The following MCL1 variants were observed in gnomAD, a reference collection of about 807,000 sequenced individuals.
The protein encoded by MCL1 is MCL1 apoptosis regulator, BCL2 family member, also known as induced myeloid leukemia cell differentiation protein Mcl-1.
A neutral mutation model predicts 24.2 loss-of-function variants in MCL1; 4 were observed. That is an observed-to-expected ratio of 0.17 (90% CI 0.08 to 0.38). The LOEUF (loss-of-function observed/expected upper bound fraction) is 0.38, where lower values mean the gene tolerates loss of function less well. Ranked by LOEUF, MCL1 falls within the 10% of genes least tolerant of loss-of-function variation. MCL1 has a pLI of 1.00. For missense variants in MCL1, 529 were observed against 480.3 expected (o/e 1.10, Z -0.95); for synonymous variants, 248 against 214.0 (o/e 1.16, Z -1.39).
chr1:150,578,182 TA>T (rs587650071), intron 2 of MCL1, 61 bp downstream of exon 2: 18 of 1,560,294 alleles, frequency 1.2e-5, no homozygotes, highest in African/African-American at 9.7e-5. Flanking sequence ...CCCACCTCTC[TA>T]AAAAAAATCC....
rs1647766062 is a variant in MCL1 at position 150,575,635 on chromosome 1, G to A, written c.*1740C>T. The A allele has an allele frequency of 4.3e-6, 1 of 233,026 alleles. No homozygotes were observed. The highest frequency in any genetic ancestry group is 2.2e-5 in the African/African-American group (1 of 45,334). The allele number at this position is 233,026 out of a possible 1,614,324, so 14.4% of individuals were successfully genotyped here. A position where few individuals can be genotyped will look rare whatever the true frequency, so the allele number is the denominator to read the frequency against. ...TCCTCCCACCTCTCAATGACTGTTA[G>A]TGTCACAGCACCCATGGTATTACCA... On this transcript the variant is annotated 3_prime_UTR_variant, in exon 3 of 3. Transcript: ENST00000369026.
rs587602461 is a variant in MCL1, at chr1:150,575,102, A to G, written c.*2273T>C. On this transcript the variant is annotated 3_prime_UTR_variant, in exon 3 of 3. Transcript: ENST00000369026. ...CTGGATTTGGCAGACAGGCTTTTTT[A>G]GTTACCGTAACCAGATCTTAAGATT... 8 of 233,436 alleles carry G rather than the reference A, an allele frequency of 3.4e-5. No individual in the cohort carries two copies. Among genetic ancestry groups the G allele is most frequent in the South Asian group, 3.6e-4 (2 of 5,528 alleles). The allele number at this position is 233,436 out of a possible 1,614,324, so 14.5% of individuals were successfully genotyped here.
rs1570983540 is a variant in MCL1, at chr1:150,579,229, G to A, written c.302C>T (p.Pro101Leu). 6.4e-7 allele frequency: 1 copy of A among 1,561,176 alleles called. No homozygotes were observed. Among genetic ancestry groups the A allele is most frequent in the African/African-American group, 1.4e-5 (1 of 73,060 alleles). The stretch of plus-strand genomic sequence containing the variant: ...CTCAAGCGGCGCCGCGCGGCGGGTG[G>A]GCGCGAAGAAAAGCAGCCTCGCGGG... The part of the protein sequence containing the change: ...ATPARLLFFA[P>L]TRRAAPLEEM... The change falls in exon 1 of 3, where the codon CCC becomes CTC. Residue 101 changes from proline (P) to leucine (L), a missense_variant. Coordinates refer to ENST00000369026, the MANE Select transcript of MCL1 (RefSeq NM_021960.5).
rs1207295145 is a variant in MCL1, at chr1:150,579,333, C to CGGG, written c.195_197dup (p.Pro66dup). 6.8e-7 allele frequency: 1 copy of CGGG among 1,472,136 alleles called. No homozygotes were observed. The highest frequency in any genetic ancestry group is 1.5e-5 in the African/African-American group (1 of 67,686). 91.2% of individuals were successfully genotyped at this position (1,472,136 alleles called of 1,614,324 possible). ...TCCGGGAGTCTGGCGTGAGGGTGGACGGGGGGCTTGCGCCGGCGCTTCCGC... is the reference window on the plus strand; with the variant it reads ...TCCGGGAGTCTGGCGTGAGGGTGGACGGGGGGGGGCTTGCGCCGGCGCTTCCGC... On this transcript the variant is annotated inframe_insertion, in exon 1 of 3. Coordinates refer to ENST00000369026, the MANE Select transcript of MCL1 (RefSeq NM_021960.5).
rs1647825230 is a variant in MCL1 at position 150,576,780 on chromosome 1, C to G, written c.*595G>C. ...TCCGTCAAGTATTATTGGTGATAAA[C>G]TAGGCTAATAAAGTAAGAATCATGG... On this transcript the variant is annotated 3_prime_UTR_variant, in exon 3 of 3. Coordinates refer to ENST00000369026, the MANE Select transcript of MCL1 (RefSeq NM_021960.5). 4.3e-6 allele frequency: 1 copy of G among 232,520 alleles called. No individual in the cohort carries two copies. The highest frequency in any genetic ancestry group is 8.5e-6 in the Non-Finnish European group (1 of 117,588). The allele number at this position is 232,520 out of a possible 1,614,324, so 14.4% of individuals were successfully genotyped here. A position where few individuals can be genotyped will look rare whatever the true frequency, so the allele number is the denominator to read the frequency against.
chr1:150,579,477 C>A lies in MCL1; in HGVS notation c.54G>T (p.Gly18=), dbSNP rs781685038. ...CGCCGCTGCCGGCCCCCAAGCCGGCCCCCCCACAGTAGAGGTTGAGTCCGA... is the reference window on the plus strand; with the variant it reads ...CGCCGCTGCCGGCCCCCAAGCCGGCACCCCCACAGTAGAGGTTGAGTCCGA... The part of the protein sequence containing the change: ...AVIGLNLYCG[G]AGLGAGSGGA... The change falls in exon 1 of 3, where the codon GGG becomes GGT. Residue 18 remains glycine, a synonymous_variant. Transcript: ENST00000369026. The A allele has an allele frequency of 1.9e-6, 3 of 1,594,056 alleles. No individual in the cohort carries two copies. The South Asian group carries it at 3.3e-5, about 18-fold the overall frequency.
Position 150,577,508 on chromosome 1 carries a change from A to G in MCL1, c.937-17T>C, listed in dbSNP as rs998383185. The G allele has an allele frequency of 6.3e-7, 1 of 1,589,870 alleles. No homozygotes were observed. The highest frequency in any genetic ancestry group is 8.5e-7 in the Non-Finnish European group (1 of 1,173,036). ...AAACCCATCCTAGAAAACAAAAAAG[A>G]AAAGCACATTTTCAAGTATGGGTTT... On this transcript the variant is annotated splice_polypyrimidine_tract_variant and intron_variant, in intron 2 of 2. Coordinates refer to ENST00000369026, the MANE Select transcript of MCL1 (RefSeq NM_021960.5).
intron 2 of MCL1, 50 bp downstream of exon 2, chr1:150,578,190 ATCCT>A: frequency 1.3e-6 from 2 of 1,571,168 alleles, no homozygotes; most frequent in East Asian, 2.2e-5. Flanking sequence ...TCTAAAAAAA[ATCCT>A]TCATTCTACT....
chr1:150,578,924 C>T lies in MCL1; in HGVS notation c.607G>A (p.Gly203Arg). ...AKDTKPMGRS[G>R]ATSRKALETL... The stretch of plus-strand genomic sequence containing the variant: ...TCCAGCGCCTTCCTGCTGGTGGCCC[C>T]AGACCTGCCCATTGGCTTTGTGTCC... The change falls in exon 1 of 3, where the codon GGG becomes AGG. Residue 203 changes from glycine (G) to arginine (R), a missense_variant. Coordinates refer to ENST00000369026, the MANE Select transcript of MCL1 (RefSeq NM_021960.5). 6.2e-7 allele frequency: 1 copy of T among 1,613,830 alleles called. No homozygotes were observed. The highest frequency in any genetic ancestry group is 1.3e-5 in the African/African-American group (1 of 75,072).
Position 150,576,679 on chromosome 1 carries a change from T to G in MCL1, c.*696A>C, listed in dbSNP as rs887869962. On this transcript the variant is annotated 3_prime_UTR_variant, in exon 3 of 3. Coordinates refer to ENST00000369026, the MANE Select transcript of MCL1 (RefSeq NM_021960.5). Reference sequence around the variant, plus strand: ...GAAATAGACTTTCTGTAAAAATATATACAATTTTTACAAATACATTTACAA... The same window carrying G: ...GAAATAGACTTTCTGTAAAAATATAGACAATTTTTACAAATACATTTACAA... 4.3e-6 allele frequency: 1 copy of G among 232,212 alleles called. No homozygotes were observed. The highest frequency in any genetic ancestry group is 8.5e-6 in the Non-Finnish European group (1 of 117,346). 14.4% of individuals were successfully genotyped at this position (232,212 alleles called of 1,614,324 possible).
chr1:150,576,206 GC>G lies in MCL1; in HGVS notation c.*1168del, dbSNP rs1447629460. The G allele has an allele frequency of 5.8e-4, 135 of 233,020 alleles. No individual in the cohort carries two copies. Among genetic ancestry groups the G allele is most frequent in the Non-Finnish European group, 1.4e-4 (16 of 117,842 alleles). 14.4% of individuals were successfully genotyped at this position (233,020 alleles called of 1,614,324 possible). A position where few individuals can be genotyped will look rare whatever the true frequency, so the allele number is the denominator to read the frequency against. On this transcript the variant is annotated 3_prime_UTR_variant, in exon 3 of 3. Transcript: ENST00000369026. Reference sequence around the variant, plus strand: ...CTTTTAGTAAAAGCTTTAAAGATGAGCCCATGAATTCACTTTAAATTTCACC... The same window carrying G: ...CTTTTAGTAAAAGCTTTAAAGATGAGCCATGAATTCACTTTAAATTTCACC...
rs1035195899 is a variant in MCL1 at position 150,575,551 on chromosome 1, G to A, written c.*1824C>T. ...TTCCTGAGGGGACTTTTGACACATT[G>A]CCCCCAAAGACAGGATAAAACAATA... On this transcript the variant is annotated 3_prime_UTR_variant, in exon 3 of 3. Coordinates refer to ENST00000369026, the MANE Select transcript of MCL1 (RefSeq NM_021960.5). The A allele has an allele frequency of 4.3e-6, 1 of 232,942 alleles. No individual in the cohort carries two copies. The highest frequency in any genetic ancestry group is 8.5e-6 in the Non-Finnish European group (1 of 117,952). 14.4% of individuals were successfully genotyped at this position (232,942 alleles called of 1,614,324 possible). A position where few individuals can be genotyped will look rare whatever the true frequency, so the allele number is the denominator to read the frequency against.
intron 1 of MCL1, 109 bp downstream of exon 1, chr1:150,578,734 C>G: frequency 8.3e-7 from 1 of 1,210,076 alleles, no homozygotes; most frequent in South Asian, 1.5e-5. Flanking sequence ...TAGGATGAGA[C>G]ACGTTTCAAC....
chr1:150,578,686 A>C (rs1181118659), intron 1 of MCL1, 157 bp downstream of exon 1: 2 of 1,018,254 alleles, frequency 2.0e-6, no homozygotes, highest in Non-Finnish European at 2.9e-6. Context: ...GATGGGCGGA[A>C]ACAATGACTC....
At chr1:150,577,517 T>C (rs1647861681) in intron 2 of MCL1, 26 bp from the exon 3 acceptor site, 2 of 1,543,806 alleles carry the variant, frequency 1.3e-6, no homozygotes, top group Admixed American at 2.1e-5. Flanking sequence ...GAAAAGCACA[T>C]TTTCAAGTAT....
chr1:150,578,608 C>T, intron 1 of MCL1, 117 bp from the exon 2 acceptor site: 1 of 1,335,108 alleles, frequency 7.5e-7, no homozygotes, highest in Non-Finnish European at 1.0e-6. Flanking sequence ...TCAGGTTGAC[C>T]CCACTTGAAA....
chr1:150,579,481 C>G lies in MCL1; in HGVS notation c.50G>C (p.Gly17Ala), dbSNP rs1012747207. Residue 17 changes from glycine (G) to alanine (A), a missense_variant, in exon 1 of 3, where the codon GGG becomes GCG. Physicochemically the swap from Gly to Ala is moderately conservative, Grantham distance 60. Coordinates refer to ENST00000369026, the MANE Select transcript of MCL1 (RefSeq NM_021960.5). ...GCTGCCGGCCCCCAAGCCGGCCCCC[C>G]CACAGTAGAGGTTGAGTCCGATTAC... ...NAVIGLNLYC[G>A]GAGLGAGSGG... The G allele has an allele frequency of 1.3e-6, 2 of 1,596,424 alleles. No individual in the cohort carries two copies. Among genetic ancestry groups the G allele is most frequent in the East Asian group, 2.4e-5 (1 of 42,096 alleles).
chr1:150,577,968 T>C (rs587694011), intron 2 of MCL1, among the ~76,000 whole-genome samples: 1 of 152,302 alleles, frequency 6.6e-6, no homozygotes, highest in South Asian at 2.1e-4. Flanking sequence ...TGGTGACTTA[T>C]TTTTTCATGG....
At position 150,578,510 on chromosome 1, in the gene MCL1, C is replaced by T; in HGVS notation, c.689-19G>A. ...AGCATGCCTGAGAAAGAAAAGCATG[C>T]AGGTCCTCACGGCCTCCTTTGTCTA... On this transcript the variant is annotated intron_variant, in intron 1 of 2. Transcript: ENST00000369026. The T allele has an allele frequency of 1.2e-6, 2 of 1,612,988 alleles. No individual in the cohort carries two copies. The highest frequency in any genetic ancestry group is 1.7e-6 in the Non-Finnish European group (2 of 1,179,540).
Sources: allele counts gnomAD v4.1 joint callset (sites outside exome capture counted in the v4.1 genomes callset), GRCh38; gene constraint gnomAD v4.1.1; transcripts MANE v1.5; gene names NCBI Gene and HGNC (gene_info 2026-07-23, HGNC 2026-07-21).